CPZ: variants seen among roughly 807,000 people sequenced by gnomAD.
The protein encoded by CPZ is carboxypeptidase Z.
CPZ carries 103 observed loss-of-function variants against 61.8 expected under a neutral mutation model. That is an observed-to-expected ratio of 1.67 (90% CI 1.42 to 1.96). The LOEUF is 1.96. CPZ is among the 30% of genes most tolerant of loss of function. The pLI, the probability that CPZ is intolerant of heterozygous loss-of-function variation, is 0.00. For missense variants in CPZ, 1,461 were observed against 914.9 expected, an observed-to-expected ratio of 1.60 and a Z score of -7.70; for synonymous variants, 551 against 373.7, an observed-to-expected ratio of 1.47 and a Z score of -5.47.
chr4:8,610,145 G>T (rs568153565), intron 7 of CPZ, among the ~76,000 whole-genome samples: 1 of 152,192 alleles, frequency 6.6e-6, no homozygotes, highest in African/African-American at 2.4e-5. Context: ...GGGTGGGCTG[G>T]GTTTCCCACG....
At chr4:8,617,188 T>G (rs951770804) in intron 9 of CPZ, among the ~76,000 whole-genome samples, 1 of 151,940 alleles carries the variant, frequency 6.6e-6, no homozygotes, top group East Asian at 1.9e-4. Flanking sequence ...TCAGCCGCGG[T>G]GGGATTAGAG....
intron 1 of CPZ, among the ~76,000 whole-genome samples, chr4:8,594,846 C>T (rs911181626): frequency 7.3e-5 from 11 of 151,528 alleles, no homozygotes; most frequent in African/African-American, 2.7e-4. Flanking sequence ...AATCTCAGCT[C>T]ACTGCGAGCT....
chr4:8,599,547 A>G lies in CPZ; in HGVS notation c.121+62A>G, dbSNP rs562883635. On this transcript the variant is annotated intron_variant, in intron 2 of 10. Transcript: ENST00000360986. ...GGAGGGCTGCAGCCCCCACACTGTC[A>G]GAGCACTTTAGGCAGCTGAATCCGT... 6.0e-5 allele frequency: 96 copies of G among 1,602,166 alleles called. No individual in the cohort carries two copies. The East Asian group carries it at 1.9e-3, about 32-fold the overall frequency.
In CPZ at chr4:8,599,356, C is replaced by T. The variant is rs1577108801; in HGVS notation, c.89-97C>T. 4.9e-6 allele frequency: 7 copies of T among 1,415,686 alleles called. No homozygotes were observed. In the East Asian group the frequency reaches 7.9e-5, roughly 16 times the overall value. 87.7% of individuals were successfully genotyped at this position (1,415,686 alleles called of 1,614,324 possible). ...TGGAGCTGGCGGAGGGTGGCCTGGGCTGGTCCCTACCTGCACTCAGGGCCC... is the reference window on the plus strand; with the variant it reads ...TGGAGCTGGCGGAGGGTGGCCTGGGTTGGTCCCTACCTGCACTCAGGGCCC... On this transcript the variant is annotated intron_variant, in intron 1 of 10. Transcript: ENST00000360986.
At chr4:8,619,111 T>G (rs895305793) in intron 10 of CPZ, 151 bp from the exon 11 acceptor site, 6 of 648,334 alleles carry the variant, frequency 9.3e-6, no homozygotes, top group Non-Finnish European at 1.3e-5. Flanking sequence ...AGAAAAGGGG[T>G]GGGAAGGACG....
At chr4:8,597,861 G>A (rs1714294883) in intron 1 of CPZ, among the ~76,000 whole-genome samples, 1 of 152,212 alleles carries the variant, frequency 6.6e-6, no homozygotes, top group Non-Finnish European at 1.5e-5. Flanking sequence ...ATGAACCCAT[G>A]TGAAATGGGG....
intron 10 of CPZ, 111 bp downstream of exon 10, chr4:8,618,639 G>T: frequency 2.0e-6 from 2 of 1,002,330 alleles, no homozygotes; most frequent in South Asian, 2.9e-5. Context: ...CAGCAGGATG[G>T]CTCCATTCCT....
At chr4:8,593,747 G>A (rs1713968064) in intron 1 of CPZ, among the ~76,000 whole-genome samples, 1 of 152,196 alleles carries the variant, frequency 6.6e-6, no homozygotes, top group African/African-American at 2.4e-5. Flanking sequence ...CCTGAGCCCT[G>A]CGAGTGGATG....
chr4:8,603,982 T>C lies in CPZ; in HGVS notation c.503T>C (p.Leu168Pro). The change falls in exon 4 of 11, where the codon CTG becomes CCG. Residue 168 changes from leucine (L) to proline (P), a missense_variant. Leu to Pro is a moderately conservative substitution (Grantham distance 98). Transcript: ENST00000360986. ...CCCCCCACTGCTCCCCCAGGAGGCCTGGAGGCTGACGAGGCACTGCCCTCA... is the reference window on the plus strand; with the variant it reads ...CCCCCCACTGCTCCCCCAGGAGGCCCGGAGGCTGACGAGGCACTGCCCTCA... The part of the protein sequence containing the change: ...YDPLEKLRGG[L>P]EADEALPSGL... The C allele has an allele frequency of 6.2e-7, 1 of 1,612,054 alleles. No homozygotes were observed. The highest frequency in any genetic ancestry group is 8.5e-7 in the Non-Finnish European group (1 of 1,179,754).
chr4:8,598,837 C>A (rs561882963), intron 1 of CPZ, among the ~76,000 whole-genome samples: 3 of 152,208 alleles, frequency 2.0e-5, no homozygotes, highest in Non-Finnish European at 4.4e-5. Context: ...CCTCGAAACC[C>A]CACGATTGTG....
chr4:8,614,573 C>A, intron 9 of CPZ, 75 bp downstream of exon 9: 10 of 1,524,018 alleles, frequency 6.6e-6, no homozygotes, highest in Non-Finnish European at 8.9e-6. Context: ...GCCCCCAGGG[C>A]AGCCCCCGTA....
At chr4:8,613,097 C>T (rs1715850127) in intron 8 of CPZ, among the ~76,000 whole-genome samples, 2 of 152,100 alleles carry the variant, frequency 1.3e-5, no homozygotes, top group Non-Finnish European at 2.9e-5. Context: ...GCAACAGACA[C>T]CCACGAGCAG....
Position 8,601,517 on chromosome 4 carries a change from G to T in CPZ, c.496+20G>T, listed in dbSNP as rs1462437841. The T allele has an allele frequency of 4.8e-6, 7 of 1,446,602 alleles. 1 individual carries two copies. In the South Asian group the frequency reaches 5.8e-5, roughly 12 times the overall value. 89.6% of individuals were successfully genotyped at this position (1,446,602 alleles called of 1,614,324 possible). ...TTCGGGGTAAGGGAAAGTGGCGGGGGCCTGTGTGGTCATGGGGTCCAGGTG... is the reference window on the plus strand; with the variant it reads ...TTCGGGGTAAGGGAAAGTGGCGGGGTCCTGTGTGGTCATGGGGTCCAGGTG... On this transcript the variant is annotated intron_variant, in intron 3 of 10. Coordinates refer to ENST00000360986, the MANE Select transcript of CPZ (RefSeq NM_001014447.3).
At chr4:8,615,489 GAA>G (rs1476423968) in intron 9 of CPZ, among the ~76,000 whole-genome samples, 1 of 152,254 alleles carries the variant, frequency 6.6e-6, no homozygotes, top group Non-Finnish European at 1.5e-5. Context: ...GCAGGCCTCA[GAA>G]AGAGGGTTGA....
Position 8,619,622 on chromosome 4 carries a change from G to A in CPZ, c.*5G>A, listed in dbSNP as rs113480722. On this transcript the variant is annotated 3_prime_UTR_variant, in exon 11 of 11. Transcript: ENST00000360986. ...CGCTGGCTGCTCAAGTACTAGCCCC[G>A]GCCCCAGCACCCGCCAGGATGTGGA... is the stretch of plus-strand genomic sequence containing the variant. 1.9e-4 allele frequency: 276 copies of A among 1,483,762 alleles called. 3 individuals carry two copies. The South Asian group carries it at 2.2e-3, about 12-fold the overall frequency. The allele number at this position is 1,483,762 out of a possible 1,614,324, so 91.9% of individuals were successfully genotyped here. A position where few individuals can be genotyped will look rare whatever the true frequency, so the allele number is the denominator to read the frequency against.
intron 4 of CPZ, among the ~76,000 whole-genome samples, chr4:8,604,535 G>A (rs923258826): frequency 2.0e-5 from 3 of 152,196 alleles, no homozygotes; most frequent in Non-Finnish European, 4.4e-5. Flanking sequence ...AGGCTGGAGT[G>A]CAGTGGCACG....
chr4:8,610,647 T>G, intron 7 of CPZ, among the ~76,000 whole-genome samples: 1 of 152,148 alleles, frequency 6.6e-6, no homozygotes, highest in African/African-American at 2.4e-5. Flanking sequence ...GTTTGTTGGA[T>G]GTGATTCATT....
At chr4:8,613,621 C>A (rs1158065424) in intron 8 of CPZ, among the ~76,000 whole-genome samples, 1 of 152,202 alleles carries the variant, frequency 6.6e-6, no homozygotes, top group African/African-American at 2.4e-5. Context: ...CCCGACACAG[C>A]CAGCCCTGTG....
chr4:8,605,625 T>C lies in CPZ; in HGVS notation c.710-364T>C, dbSNP rs1001851797. Among the ~76,000 whole-genome samples the C allele has an allele frequency of 4.0e-3, 436 of 108,856 alleles. 3 individuals carry two copies. Among genetic ancestry groups the C allele is most frequent in the African/African-American group, 0.02 (402 of 19,650 alleles). The allele number at this position is 108,856 out of a possible 152,430, so 71.4% of individuals were successfully genotyped here. On this transcript the variant is annotated intron_variant, in intron 4 of 10. Transcript: ENST00000360986. Reference sequence around the variant, plus strand: ...ATCCATCCATCCATCCATCCATCCATCATTGATATATCCATTCATCCACTC... The same window carrying C: ...ATCCATCCATCCATCCATCCATCCACCATTGATATATCCATTCATCCACTC...
Sources: gnomAD v4.1 joint callset for allele counts (sites outside exome capture counted in the v4.1 genomes callset) on GRCh38, gnomAD v4.1.1 for gene constraint, MANE v1.5 for transcripts, NCBI Gene and HGNC (gene_info 2026-07-23, HGNC 2026-07-21) for gene names.